TCF4: variants seen among roughly 807,000 people sequenced by gnomAD.
TCF4 encodes the protein SL3-3 enhancer factor 2.
Under a neutral mutation model 82.1 loss-of-function variants are expected in TCF4, and 3 were observed. That is an observed-to-expected ratio of 0.04 (90% CI 0.02 to 0.09). TCF4 has a LOEUF of 0.09. TCF4 is among the 10% of genes least tolerant of loss of function. The pLI, the probability that TCF4 is intolerant of heterozygous loss-of-function variation, is 1.00. For synonymous variants in TCF4, 276 were observed against 309.6 expected, an observed-to-expected ratio of 0.89 and a Z score of 1.14; for missense variants, 518 against 852.7, an observed-to-expected ratio of 0.61 and a Z score of 4.89.
chr18:55,455,855 T>C (rs2095741256), intron 5 of TCF4, among the ~76,000 whole-genome samples: 1 of 152,242 alleles, frequency 6.6e-6, no homozygotes, highest in Non-Finnish European at 1.5e-5. Flanking sequence ...TTTGTAGTCA[T>C]GCTTTTCCTT....
At chr18:55,312,825 A>G (rs540314600) in intron 8 of TCF4, among the ~76,000 whole-genome samples, 1 of 152,142 alleles carries the variant, frequency 6.6e-6, no homozygotes, top group Non-Finnish European at 1.5e-5. Flanking sequence ...CAACACATCT[A>G]ATTTTACAGT....
intron 3 of TCF4, among the ~76,000 whole-genome samples, chr18:55,566,359 G>A (rs940979419): frequency 6.6e-6 from 1 of 152,194 alleles, no homozygotes; most frequent in African/African-American, 2.4e-5. Context: ...TGGGTACAAT[G>A]TAGTCCTGAC....
At chr18:55,560,362 C>T (rs1340173597) in intron 3 of TCF4, among the ~76,000 whole-genome samples, 1 of 152,196 alleles carries the variant, frequency 6.6e-6, no homozygotes, top group African/African-American at 2.4e-5. Flanking sequence ...GTATTAACTG[C>T]TAACATTTAT....
chr18:55,631,335 C>G (rs1056559285), exon 2 of TCF4: 111 of 1,547,572 alleles, frequency 7.2e-5, no homozygotes, highest in Non-Finnish European at 9.6e-5. Context: ...AGGTGTGAGC[C>G]ACCATGCCCG....
intron 5 of TCF4, among the ~76,000 whole-genome samples, chr18:55,416,709 A>C (rs1425187602): frequency 4.6e-5 from 7 of 152,232 alleles, no homozygotes; most frequent in Non-Finnish European, 7.3e-5. Context: ...TGCCTAAGTT[A>C]AAATGACGAT....
chr18:55,275,788 CA>C (rs1450633432), intron 9 of TCF4, 36 bp from the exon 10 acceptor site: 1 of 1,613,346 alleles, frequency 6.2e-7, no homozygotes, highest in Non-Finnish European at 8.5e-7. Context: ...CTTTCTGAGG[CA>C]TTCAGCCTTG....
Position 55,228,462 on chromosome 18 carries a change from T to C in TCF4, c.1880-101A>G. 2.0e-6 allele frequency: 3 copies of C among 1,503,988 alleles called. No homozygotes were observed. The South Asian group carries it at 3.4e-5, about 17-fold the overall frequency. 93.2% of individuals were successfully genotyped at this position (1,503,988 alleles called of 1,614,324 possible). Reference sequence around the variant, plus strand: ...CGTGTCTGACCTTTTTCTCAGTGTTTATATTACAGAACAAAAGGAACAGTT... The same window carrying C: ...CGTGTCTGACCTTTTTCTCAGTGTTCATATTACAGAACAAAAGGAACAGTT... On this transcript the variant is annotated intron_variant, in intron 18 of 19. Coordinates refer to ENST00000354452, the MANE Select transcript of TCF4 (RefSeq NM_001083962.2).
intron 11 of TCF4, chr18:55,268,493 T>C (rs984732459): frequency 6.6e-6 from 1 of 152,100 alleles, no homozygotes; most frequent in Non-Finnish European, 1.5e-5. Flanking sequence ...TGATGCAACA[T>C]ATTTGTAGAA....
rs66807288 is a variant in TCF4, at chr18:55,224,164, C to CTTTT, written c.*3867_*3870dup. ...GGCACTGATACATGGTAAATCTCTG[C>CTTTT]TTTTTTTTTTTTTTTCTTATCTTCA... On this transcript the variant is annotated 3_prime_UTR_variant, in exon 20 of 20. Transcript: ENST00000354452. 7.1e-6 allele frequency: 1 copy of CTTTT among 140,538 alleles called. No individual in the cohort carries two copies. The highest frequency in any genetic ancestry group is 1.6e-5 in the Non-Finnish European group (1 of 64,510). 8.7% of individuals were successfully genotyped at this position (140,538 alleles called of 1,614,324 possible). A position where few individuals can be genotyped will look rare whatever the true frequency, so the allele number is the denominator to read the frequency against.
intron 3 of TCF4, among the ~76,000 whole-genome samples, chr18:55,485,620 G>C (rs543125813): frequency 6.6e-6 from 1 of 152,270 alleles, no homozygotes; most frequent in Non-Finnish European, 1.5e-5. Context: ...TGCCTAATGA[G>C]CACTTAGCAC....
intron 3 of TCF4, among the ~76,000 whole-genome samples, chr18:55,496,793 A>G (rs1391863135): frequency 6.6e-6 from 1 of 151,968 alleles, no homozygotes; most frequent in Admixed American, 6.6e-5. Context: ...ATATACTCTA[A>G]ATAGTAGAAT....
chr18:55,454,159 G>A (rs977679912), intron 5 of TCF4, among the ~76,000 whole-genome samples: 5 of 152,020 alleles, frequency 3.3e-5, no homozygotes, highest in African/African-American at 9.7e-5. Flanking sequence ...CACTATGCCC[G>A]ACCCAAAATA....
intron 8 of TCF4, among the ~76,000 whole-genome samples, chr18:55,302,253 C>G (rs139454079): frequency 6.6e-6 from 1 of 152,168 alleles, no homozygotes; most frequent in African/African-American, 2.4e-5. Flanking sequence ...TAAAGTAACC[C>G]GGGCAGAGCG....
chr18:55,403,667 A>G, intron 5 of TCF4, 149 bp from the exon 6 acceptor site: 1 of 1,575,396 alleles, frequency 6.3e-7, no homozygotes, highest in Non-Finnish European at 8.6e-7. Flanking sequence ...AGAGGGAATA[A>G]CACTTCCTCA....
chr18:55,399,719 G>A (rs1348293830), intron 6 of TCF4, among the ~76,000 whole-genome samples: 1 of 152,062 alleles, frequency 6.6e-6, no homozygotes, highest in Non-Finnish European at 1.5e-5. Flanking sequence ...GAACATTCTA[G>A]GAAATGATAA....
intron 3 of TCF4, among the ~76,000 whole-genome samples, chr18:55,513,279 C>T (rs2096846790): frequency 6.6e-6 from 1 of 152,006 alleles, no homozygotes; most frequent in South Asian, 2.1e-4. Flanking sequence ...TGGACAAAAC[C>T]TCTCTGAGAT....
intron 3 of TCF4, among the ~76,000 whole-genome samples, chr18:55,532,529 A>C (rs2097075012): frequency 6.6e-6 from 1 of 152,240 alleles, no homozygotes; most frequent in Non-Finnish European, 1.5e-5. Context: ...ACTTCTGATA[A>C]GTACTGTCAA....
intron 3 of TCF4, among the ~76,000 whole-genome samples, chr18:55,523,705 G>A (rs1435464757): frequency 7.1e-6 from 1 of 139,872 alleles, no homozygotes; most frequent in Non-Finnish European, 1.5e-5. Context: ...CAATACAATC[G>A]ACTGTTACAG....
intron 6 of TCF4, among the ~76,000 whole-genome samples, chr18:55,367,530 G>T (rs184024893): frequency 1.5e-3 from 227 of 152,324 alleles, no homozygotes; most frequent in Admixed American, 4.0e-3. Flanking sequence ...GAGTGCCTAT[G>T]ATGTCTTTAG....
Sources: allele counts gnomAD v4.1 joint callset (sites outside exome capture counted in the v4.1 genomes callset), GRCh38; gene constraint gnomAD v4.1.1; transcripts MANE v1.5; gene names NCBI Gene and HGNC (gene_info 2026-07-23, HGNC 2026-07-21).